The following UGT2A1 variants were observed in gnomAD, a reference collection of about 807,000 sequenced individuals.
The protein encoded by UGT2A1 is UDP-glucuronosyltransferase 2A1.
UGT2A1 carries 61 observed loss-of-function variants against 45.4 expected under a neutral mutation model. That is an observed-to-expected ratio of 1.34 (90% confidence interval 1.09 to 1.66). The LOEUF (loss-of-function observed/expected upper bound fraction) is 1.66. Ranked by LOEUF, UGT2A1 falls within the 40% of genes most tolerant of loss-of-function variation. The probability of loss-of-function intolerance (pLI) is 0.00; values close to 1 mark genes in which losing one functional copy is unlikely to be tolerated. For synonymous variants in UGT2A1, 229 were observed against 196.2 expected (o/e 1.17, Z -1.40); for missense variants, 649 against 574.3 (o/e 1.13, Z -1.33).
chr4:69,599,136 C>G, intron 4 of UGT2A1, 110 bp downstream of exon 4: 1 of 1,417,004 alleles, frequency 7.1e-7, no homozygotes, highest in South Asian at 1.7e-5. Flanking sequence ...TGTGGAGTAG[C>G]AAACTGAAAT....
rs932279551 is a variant in UGT2A1 at position 69,602,855 on chromosome 4, C to G, written c.848-3461G>C. On this transcript the variant is annotated intron_variant, in intron 3 of 6. Coordinates refer to ENST00000286604, the MANE Select transcript of UGT2A1 (RefSeq NM_001252275.3). ...ATTAATTATGAATCTTATTAAGGGT[C>G]AGGAGTTCAAGACCAGTGTGGCCAA... 1.9e-4 allele frequency among the ~76,000 whole-genome samples: 26 copies of G among 135,626 alleles called. 6 individuals are homozygous for G. Among genetic ancestry groups the G allele is most frequent in the Admixed American group, 5.8e-4 (8 of 13,684 alleles). The allele number at this position is 135,626 out of a possible 152,430, so 89.0% of individuals were successfully genotyped here. A position where few individuals can be genotyped will look rare whatever the true frequency, so the allele number is the denominator to read the frequency against.
intron 3 of UGT2A1, among the ~76,000 whole-genome samples, chr4:69,631,241 G>A (rs1205352074): frequency 6.6e-6 from 1 of 151,984 alleles, no homozygotes; most frequent in African/African-American, 2.4e-5. Flanking sequence ...AGTTAAGTGG[G>A]CTTTGGAGGT....
At chr4:69,638,108 A>C (rs1338597078) in intron 2 of UGT2A1, among the ~76,000 whole-genome samples, 1 of 152,176 alleles carries the variant, frequency 6.6e-6, no homozygotes, top group Non-Finnish European at 1.5e-5. Context: ...TATGTAAAAA[A>C]GTCTTTCACA....
chr4:69,600,631 T>A (rs73824169), intron 3 of UGT2A1, among the ~76,000 whole-genome samples: 2,622 of 152,188 alleles, frequency 0.017, 73 homozygotes, highest in African/African-American at 0.058. Context: ...TTTATTTTTT[T>A]AAAAAGAGGT....
At position 69,593,347 on chromosome 4, in the gene UGT2A1, T is replaced by A. The variant is rs372158426; in HGVS notation, c.1304+1130A>T. 6.6e-5 allele frequency among the ~76,000 whole-genome samples: 10 copies of A among 152,126 alleles called. No individual in the cohort carries two copies. The East Asian group carries it at 1.9e-3, about 29-fold the overall frequency. Reference sequence around the variant, plus strand: ...GACATAAATATTGGTAAAGTAAAATTACAACATAAGTAATATAAATTTGGA... The same window carrying A: ...GACATAAATATTGGTAAAGTAAAATAACAACATAAGTAATATAAATTTGGA... On this transcript the variant is annotated intron_variant, in intron 6 of 6. Coordinates refer to ENST00000286604, the MANE Select transcript of UGT2A1 (RefSeq NM_001252275.3).
intron 3 of UGT2A1, among the ~76,000 whole-genome samples, chr4:69,618,299 A>G (rs1720536917): frequency 6.6e-6 from 1 of 150,764 alleles, no homozygotes; most frequent in Non-Finnish European, 1.5e-5. Flanking sequence ...CAGTTCTCTT[A>G]AAAATGTTTT....
At position 69,606,374 on chromosome 4, in the gene UGT2A1, G is replaced by A. The variant is rs545690208; in HGVS notation, c.848-6980C>T. On this transcript the variant is annotated intron_variant, in intron 3 of 6. Coordinates refer to ENST00000286604, the MANE Select transcript of UGT2A1 (RefSeq NM_001252275.3). ...AAAGGCCTTGAAAAAATTCAACAACGCTTCATGCTAAAAACTCTCAATAAA... is the reference window on the plus strand; with the variant it reads ...AAAGGCCTTGAAAAAATTCAACAACACTTCATGCTAAAAACTCTCAATAAA... Among the ~76,000 whole-genome samples, 17 of 135,894 alleles carry A rather than the reference G, an allele frequency of 1.3e-4. 4 individuals are homozygous for A. The highest frequency in any genetic ancestry group is 2.4e-4 in the South Asian group (1 of 4,124). The allele number at this position is 135,894 out of a possible 152,430, so 89.2% of individuals were successfully genotyped here.
chr4:69,607,681 G>A (rs1482039495), intron 3 of UGT2A1, among the ~76,000 whole-genome samples: 9 of 152,094 alleles, frequency 5.9e-5, no homozygotes, highest in Admixed American at 2.0e-4. Context: ...CTGACAAAGG[G>A]CTAATATCCA....
intron 2 of UGT2A1, chr4:69,639,179 A>C: frequency 1.2e-6 from 2 of 1,613,722 alleles, no homozygotes; most frequent in Non-Finnish European, 1.7e-6. Flanking sequence ...CTACCAACAC[A>C]TCAAAACCAC....
intron 3 of UGT2A1, among the ~76,000 whole-genome samples, chr4:69,626,337 G>A (rs10023877): frequency 0.044 from 6,615 of 150,958 alleles, 192 homozygotes; most frequent in African/African-American, 0.071. Flanking sequence ...GATGTTTGGA[G>A]ACCTTTAACC....
At chr4:69,630,591 G>C (rs563348335) in intron 3 of UGT2A1, among the ~76,000 whole-genome samples, 1 of 152,000 alleles carries the variant, frequency 6.6e-6, no homozygotes, top group South Asian at 2.1e-4. Flanking sequence ...TCATAAACAG[G>C]GAATTATAAA....
At chr4:69,626,516 G>A (rs1721069317) in intron 3 of UGT2A1, among the ~76,000 whole-genome samples, 1 of 151,498 alleles carries the variant, frequency 6.6e-6, no homozygotes, top group Non-Finnish European at 1.5e-5. Context: ...CAGACTTGAG[G>A]ATATTTATTG....
intron 4 of UGT2A1, among the ~76,000 whole-genome samples, 164 bp from the exon 5 acceptor site, chr4:69,595,413 C>G (rs1374319259): frequency 6.6e-6 from 1 of 152,120 alleles, no homozygotes; most frequent in East Asian, 1.9e-4. Context: ...TTATATGTAC[C>G]TTTTTGTAAA....
chr4:69,603,645 T>C (rs1378848543), intron 3 of UGT2A1: 2 of 135,506 alleles, frequency 1.5e-5, no homozygotes, highest in Non-Finnish European at 3.1e-5. Flanking sequence ...TTCAAACCCA[T>C]GGCAAAGAGG....
At chr4:69,652,298 T>C (rs75827597) in intron 1 of UGT2A1, among the ~76,000 whole-genome samples, 1 of 151,354 alleles carries the variant, frequency 6.6e-6, no homozygotes, top group Admixed American at 6.6e-5. Context: ...TTTTTTTTTT[T>C]TTGAGACCAA....
intron 3 of UGT2A1, 197 bp from the exon 4 acceptor site, chr4:69,599,591 AGAAGGAAG>A: frequency 5.2e-6 from 4 of 772,142 alleles, no homozygotes; most frequent in Non-Finnish European, 7.2e-6. Flanking sequence ...AAGGAAGAAA[AGAAGGAAG>A]GAAGGGAGGA....
At chr4:69,619,577 A>G (rs770315953) in intron 3 of UGT2A1, among the ~76,000 whole-genome samples, 4 of 152,046 alleles carry the variant, frequency 2.6e-5, no homozygotes, top group Non-Finnish European at 4.4e-5. Context: ...TAAAAGGAAT[A>G]TAATCTTTTT....
At chr4:69,598,953 C>A (rs1006237191) in intron 4 of UGT2A1, among the ~76,000 whole-genome samples, 2 of 152,102 alleles carry the variant, frequency 1.3e-5, no homozygotes, top group Non-Finnish European at 2.9e-5. Flanking sequence ...CAGTATCCTT[C>A]GTAATTTCTA....
chr4:69,648,381 AGGAGCT>A (rs902065298), intron 1 of UGT2A1, among the ~76,000 whole-genome samples: 2 of 151,828 alleles, frequency 1.3e-5, no homozygotes, highest in African/African-American at 4.8e-5. Context: ...AGTAGTGAAT[AGGAGCT>A]ATTTAAGAGA....
Sources: gnomAD v4.1 joint callset for allele counts (sites outside exome capture counted in the v4.1 genomes callset) on GRCh38, gnomAD v4.1.1 for gene constraint, MANE v1.5 for transcripts, NCBI Gene and HGNC (gene_info 2026-07-23, HGNC 2026-07-21) for gene names.